The following IRGM variants were observed in gnomAD, a reference collection of about 807,000 sequenced individuals.
The protein encoded by IRGM is immunity related GTPase M, also known as immunity-related GTPase family M protein.
For synonymous variants in IRGM, 98 were observed against 80.6 expected (o/e 1.22, Z -1.16); for missense variants, 288 against 219.9 (o/e 1.31, Z -1.96).
chr5:150,871,166 C>CT (rs1026022904), intron 1 of IRGM, among the ~76,000 whole-genome samples: 1 of 152,106 alleles, frequency 6.6e-6, no homozygotes, highest in Non-Finnish European at 1.5e-5. Flanking sequence ...AAGGTTCTGC[C>CT]TTTTTTCCAC....
At chr5:150,860,030 A>C (rs1754115179) in intron 1 of IRGM, among the ~76,000 whole-genome samples, 1 of 152,182 alleles carries the variant, frequency 6.6e-6, no homozygotes, top group African/African-American at 2.4e-5. Context: ...AATATGGCTA[A>C]ATAATGCACT....
chr5:150,897,073 A>C, intron 3 of IRGM: 10 of 924,172 alleles, frequency 1.1e-5, no homozygotes, highest in Non-Finnish European at 1.4e-5. Context: ...AGATGAACTC[A>C]CAAAAAAAGG....
chr5:150,893,926 G>C (rs1561753282), intron 3 of IRGM, among the ~76,000 whole-genome samples: 1 of 152,034 alleles, frequency 6.6e-6, no homozygotes, highest in Non-Finnish European at 1.5e-5. Context: ...CCTGGGATGT[G>C]GGGGGAGTGA....
At chr5:150,863,316 A>C (rs931982393) in intron 1 of IRGM, among the ~76,000 whole-genome samples, 2 of 152,232 alleles carry the variant, frequency 1.3e-5, no homozygotes, top group African/African-American at 4.8e-5. Flanking sequence ...TAAAAAGGAA[A>C]TATCTAAAAG....
At chr5:150,873,631 G>A (rs190840552) in intron 1 of IRGM, among the ~76,000 whole-genome samples, 1 of 152,192 alleles carries the variant, frequency 6.6e-6, no homozygotes, top group East Asian at 1.9e-4. Context: ...TTTAGCTTTT[G>A]TCTGACTTAC....
rs1210373749 is a variant in IRGM at position 150,847,954 on chromosome 5, C to G, written c.-170C>G. 1 of 592,986 alleles carries G rather than the reference C, an allele frequency of 1.7e-6. No homozygotes were observed. Among genetic ancestry groups the G allele is most frequent in the Non-Finnish European group, 3.0e-6 (1 of 337,056 alleles). 36.7% of individuals were successfully genotyped at this position (592,986 alleles called of 1,614,324 possible). A position where few individuals can be genotyped will look rare whatever the true frequency, so the allele number is the denominator to read the frequency against. ...TATTAGCTGGGACTACAGGCGCACA[C>G]CACCACGCGCAGCTAATTTTTTTGT... On this transcript the variant is annotated 5_prime_UTR_variant, in exon 2 of 2. Coordinates refer to ENST00000522154, the MANE Select transcript of IRGM (RefSeq NM_001145805.2).
At position 150,848,025 on chromosome 5, in the gene IRGM, T is replaced by C; in HGVS notation, c.-99T>C. 3.3e-6 allele frequency: 3 copies of C among 908,724 alleles called. No homozygotes were observed. In the South Asian group the frequency reaches 5.3e-5, roughly 16 times the overall value. 56.3% of individuals were successfully genotyped at this position (908,724 alleles called of 1,614,324 possible). A position where few individuals can be genotyped will look rare whatever the true frequency, so the allele number is the denominator to read the frequency against. ...ACGATGTTGGCCAGGATGGTCTCAA[T>C]CTCCTGACCTCGTGATCTGCTCGCC... On this transcript the variant is annotated 5_prime_UTR_variant, in exon 2 of 2. Coordinates refer to ENST00000522154, the MANE Select transcript of IRGM (RefSeq NM_001145805.2).
At chr5:150,887,836 C>T (rs1165713143) in intron 3 of IRGM, among the ~76,000 whole-genome samples, 1 of 151,884 alleles carries the variant, frequency 6.6e-6, no homozygotes, top group Admixed American at 6.6e-5. Flanking sequence ...AGGAAAGACT[C>T]CTACCAGCTA....
At chr5:150,896,303 A>G in intron 3 of IRGM, 1 of 1,613,678 alleles carries the variant, frequency 6.2e-7, no homozygotes, top group Non-Finnish European at 8.5e-7. Context: ...GATGTACAAC[A>G]AGATGAAACT....
downstream of IRGM, among the ~76,000 whole-genome samples, chr5:150,901,803 A>G (rs1755003712): frequency 6.6e-6 from 1 of 152,134 alleles, no homozygotes. Flanking sequence ...GCCACAAGGA[A>G]ATATTATGCA....
At position 150,848,642 on chromosome 5, in the gene IRGM, C is replaced by T; in HGVS notation, c.519C>T (p.Leu173=). ...LQIRENVLEN[L]QKERVCEY is the part of the protein sequence containing the mutation. ...TCAGAGAAAATGTCCTGGAAAATCT[C>T]CAGAAGGAGCGGGTATGTGAATACT... Residue 173 remains leucine (L), a synonymous_variant, in exon 2 of 2, where the codon CTC becomes CTT. Coordinates refer to ENST00000522154, the MANE Select transcript of IRGM (RefSeq NM_001145805.2). The T allele has an allele frequency of 6.5e-7, 1 of 1,543,604 alleles. No homozygotes were observed. Among genetic ancestry groups the T allele is most frequent in the Non-Finnish European group, 8.8e-7 (1 of 1,140,908 alleles).
chr5:150,856,446 A>C (rs1290589434), intron 1 of IRGM, among the ~76,000 whole-genome samples: 1 of 152,082 alleles, frequency 6.6e-6, no homozygotes, highest in Non-Finnish European at 1.5e-5. Context: ...TAAATAAATA[A>C]ATAAAAATTA....
intron 3 of IRGM, among the ~76,000 whole-genome samples, chr5:150,893,727 C>T (rs1274609363): frequency 6.6e-6 from 1 of 152,140 alleles, no homozygotes; most frequent in Non-Finnish European, 1.5e-5. Flanking sequence ...CTTAGTTCCA[C>T]ACAACTGTAG....
In IRGM at chr5:150,889,085, T is replaced by C. The variant is rs1048059468; in HGVS notation, c.*140+9439T>C. ...TATTGTGGAGTTTTGTCTATTGACC[T>C]TGTATCCTAAGATCTTACTAATCTC... On this transcript the variant is annotated intron_variant and NMD_transcript_variant, in intron 3 of 3. Transcript: ENST00000520549. Among the ~76,000 whole-genome samples the C allele has an allele frequency of 2.0e-5, 3 of 152,222 alleles. No homozygotes were observed. The South Asian group carries it at 6.2e-4, about 32-fold the overall frequency.
At chr5:150,869,382 AG>A (rs1427638449) in intron 1 of IRGM, among the ~76,000 whole-genome samples, 1 of 152,082 alleles carries the variant, frequency 6.6e-6, no homozygotes, top group African/African-American at 2.4e-5. Flanking sequence ...TCAGTTAGCT[AG>A]TATTTTGTTG....
In IRGM at chr5:150,856,840, T is replaced by C. The variant is rs868641080; in HGVS notation, c.158+8186T>C. On this transcript the variant is annotated intron_variant and NMD_transcript_variant, in intron 1 of 3. Transcript: ENST00000520549. ...TGCTGTGGATCCATCCATTTTCTTT[T>C]TTTATTTTATTTTATTGTTATTTAT... 9.7e-4 allele frequency among the ~76,000 whole-genome samples: 144 copies of C among 148,642 alleles called. 1 individual carries two copies. The highest frequency in any genetic ancestry group is 3.4e-3 in the African/African-American group (138 of 40,870).
chr5:150,876,067 A>C (rs1174171003), intron 1 of IRGM, among the ~76,000 whole-genome samples: 5 of 152,188 alleles, frequency 3.3e-5, no homozygotes, highest in Non-Finnish European at 7.3e-5. Flanking sequence ...GAAGTGTGGC[A>C]CTGTGCTCAT....
Position 150,847,100 on chromosome 5 carries a change from T to G in IRGM, c.-536T>G, listed in dbSNP as rs1561737817. The stretch of plus-strand genomic sequence containing the variant: ...TATGCTGTCTCCTCCTCTCCCTCAC[T>G]TCAGTTGGGCCCAACATGACAGTCT... On this transcript the variant is annotated 5_prime_UTR_variant, in exon 1 of 2. Transcript: ENST00000522154. 1 of 152,340 alleles carries G rather than the reference T, an allele frequency of 6.6e-6. No homozygotes were observed. The highest frequency in any genetic ancestry group is 1.5e-5 in the Non-Finnish European group (1 of 68,054). The allele number at this position is 152,340 out of a possible 1,614,324, so 9.4% of individuals were successfully genotyped here.
At chr5:150,866,748 C>T (rs887239239) in intron 1 of IRGM, among the ~76,000 whole-genome samples, 7 of 152,136 alleles carry the variant, frequency 4.6e-5, no homozygotes, top group Non-Finnish European at 1.0e-4. Flanking sequence ...ACCTTTAGCA[C>T]ATTCATTTAC....
Sources: gnomAD v4.1 joint callset for allele counts (sites outside exome capture counted in the v4.1 genomes callset) on GRCh38, gnomAD v4.1.1 for gene constraint, MANE v1.5 for transcripts, NCBI Gene and HGNC (gene_info 2026-07-23, HGNC 2026-07-21) for gene names.